The following LHX8 variants were observed in gnomAD, a reference collection of about 807,000 sequenced individuals.
The protein encoded by LHX8 is LIM/homeobox protein Lhx8.
Under a neutral mutation model 40.3 loss-of-function variants are expected in LHX8, and 12 were observed. The observed-to-expected ratio is 0.30, with a 90% CI of 0.19 to 0.48. The LOEUF (loss-of-function observed/expected upper bound fraction) is 0.48, where lower values mean the gene tolerates loss of function less well. Ranked by LOEUF, LHX8 falls within the 20% of genes least tolerant of loss-of-function variation. The probability of loss-of-function intolerance (pLI) is 0.99; values close to 1 mark genes in which losing one functional copy is unlikely to be tolerated. For synonymous variants in LHX8, 179 were observed against 162.0 expected, an observed-to-expected ratio of 1.10 and a Z score of -0.80; for missense variants, 344 against 433.7, an observed-to-expected ratio of 0.79 and a Z score of 1.84.
intron 3 of LHX8, 74 bp downstream of exon 3, chr1:75,137,335 T>A: frequency 6.9e-7 from 1 of 1,442,396 alleles, no homozygotes; most frequent in Non-Finnish European, 9.7e-7. Context: ...AGAGTAATGT[T>A]CCTCCCACCA....
chr1:75,159,284 C>CT (rs1306540974), intron 8 of LHX8: 2 of 152,052 alleles, frequency 1.3e-5, no homozygotes, highest in Non-Finnish European at 2.9e-5. Context: ...AAATAAACGT[C>CT]TTTTTTCCTC....
the LHX8 span, among the ~76,000 whole-genome samples, chr1:75,174,602 A>G: frequency 6.6e-6 from 1 of 152,136 alleles, no homozygotes; most frequent in South Asian, 2.1e-4. Context: ...TCCTTCCCCT[A>G]ATTCTGCCCT....
chr1:75,188,764 T>C, the LHX8 span, among the ~76,000 whole-genome samples: 57 of 152,184 alleles, frequency 3.7e-4, no homozygotes, highest in African/African-American at 1.3e-3. Flanking sequence ...TTTCCCTCCA[T>C]CATCACATTC....
chr1:75,181,649 C>T, the LHX8 span, among the ~76,000 whole-genome samples: 1 of 152,200 alleles, frequency 6.6e-6, no homozygotes. Flanking sequence ...ACCCCTTGTA[C>T]TTCTTGAGTG....
chr1:75,130,241 C>T (rs1329893517), upstream of LHX8: 1 of 193,342 alleles, frequency 5.2e-6, no homozygotes, highest in Non-Finnish European at 1.1e-5. Flanking sequence ...AAACGCTTCC[C>T]CTATTTCTTC....
the LHX8 span, among the ~76,000 whole-genome samples, chr1:75,175,503 G>T: frequency 6.6e-6 from 1 of 151,952 alleles, no homozygotes; most frequent in Non-Finnish European, 1.5e-5. Flanking sequence ...GACCATTTTT[G>T]CAGGAGTAAG....
At chr1:75,144,783 G>C (rs1265748859) in intron 6 of LHX8, among the ~76,000 whole-genome samples, 1 of 152,016 alleles carries the variant, frequency 6.6e-6, no homozygotes, top group Non-Finnish European at 1.5e-5. Flanking sequence ...CACACTGCTG[G>C]GTACCTTATA....
downstream of LHX8, among the ~76,000 whole-genome samples, chr1:75,164,833 C>T (rs1338626566): frequency 6.6e-6 from 1 of 151,124 alleles, no homozygotes; most frequent in African/African-American, 2.4e-5. Flanking sequence ...CCACACACCA[C>T]ACAAATTTTT....
At chr1:75,154,846 C>T (rs1015797980) in intron 7 of LHX8, among the ~76,000 whole-genome samples, 3 of 152,154 alleles carry the variant, frequency 2.0e-5, no homozygotes, top group African/African-American at 7.2e-5. Flanking sequence ...TTTTCAGCCT[C>T]CTGCTCAAGG....
the LHX8 span, among the ~76,000 whole-genome samples, chr1:75,193,580 G>A: frequency 6.6e-6 from 1 of 152,172 alleles, no homozygotes; most frequent in Non-Finnish European, 1.5e-5. Flanking sequence ...TAATTTTCGG[G>A]TTTGTATTCT....
chr1:75,136,670 G>A lies in LHX8; in HGVS notation c.56G>A (p.Gly19Asp). The change falls in exon 2 of 9, where the codon GGC becomes GAC. Residue 19 changes from glycine to aspartate, a missense_variant. This residue lies in a region of LHX8 where 108 missense variants were observed against 90.1 expected (regional missense o/e 1.20). Coordinates refer to ENST00000356261, the MANE Select transcript of LHX8 (RefSeq NM_001256114.2). ...TALAAGRTRK[G>D]AGEEGLVSPE... ...CTGGCGGCCGGGAGGACTCGCAAAG[G>A]CGCCGGGGAAGAGGGACTGGTGAGT... 1 of 1,547,314 alleles carries A rather than the reference G, an allele frequency of 6.5e-7. No individual in the cohort carries two copies. Among genetic ancestry groups the A allele is most frequent in the Non-Finnish European group, 8.7e-7 (1 of 1,146,654 alleles).
the LHX8 span, among the ~76,000 whole-genome samples, chr1:75,184,244 T>G: frequency 6.6e-6 from 1 of 152,194 alleles, no homozygotes; most frequent in African/African-American, 2.4e-5. Context: ...ACTCAGGACC[T>G]GAACTCAACA....
rs1185601695 is a variant in LHX8 at position 75,157,062 on chromosome 1, A to G, written c.950A>G (p.His317Arg). Reference protein sequence around the residue: ...PQDGTMLTALHSYMDAHSPTT... With the variant: ...PQDGTMLTALRSYMDAHSPTT... Reference sequence around the variant, plus strand: ...GATGGAACGATGTTAACTGCGCTGCATAGTTATATGGATGGTAGGTATCCC... The same window carrying G: ...GATGGAACGATGTTAACTGCGCTGCGTAGTTATATGGATGGTAGGTATCCC... Residue 317 changes from histidine (H) to arginine (R), a missense_variant, in exon 8 of 9, where the codon CAT (histidine) becomes CGT (arginine). By Grantham distance (29) the His-to-Arg change is conservative. Transcript: ENST00000356261. The G allele has an allele frequency of 6.2e-7, 1 of 1,614,218 alleles. No individual in the cohort carries two copies. The highest frequency in any genetic ancestry group is 8.5e-7 in the Non-Finnish European group (1 of 1,180,032).
the LHX8 span, among the ~76,000 whole-genome samples, chr1:75,175,252 G>C: frequency 4.6e-5 from 7 of 152,292 alleles, no homozygotes; most frequent in African/African-American, 1.4e-4. Flanking sequence ...ATTCAAAATT[G>C]TGCTGCTATA....
chr1:75,191,333 T>C, the LHX8 span, among the ~76,000 whole-genome samples: 2 of 151,980 alleles, frequency 1.3e-5, no homozygotes, highest in Non-Finnish European at 2.9e-5. Flanking sequence ...TTAATGAAGG[T>C]CCCCATAATA....
chr1:75,195,340 G>A, the LHX8 span, among the ~76,000 whole-genome samples: 1 of 152,086 alleles, frequency 6.6e-6, no homozygotes, highest in Non-Finnish European at 1.5e-5. Flanking sequence ...CCTTCCTCAA[G>A]GAAAGACTTC....
chr1:75,169,448 C>T, the LHX8 span, among the ~76,000 whole-genome samples: 2 of 152,102 alleles, frequency 1.3e-5, no homozygotes, highest in East Asian at 1.9e-4. Context: ...GTCAACCCTA[C>T]GTCAAGAAGT....
the LHX8 span, among the ~76,000 whole-genome samples, chr1:75,171,763 A>G: frequency 6.6e-6 from 1 of 152,192 alleles, no homozygotes; most frequent in Non-Finnish European, 1.5e-5. Context: ...GATGACTTAT[A>G]AAGTTTCTCT....
At position 75,137,168 on chromosome 1, in the gene LHX8, G is replaced by T. The variant is rs1396775523; in HGVS notation, c.144G>T (p.Ser48=). Residue 48 remains serine (S), a synonymous_variant, in exon 3 of 9, where the codon TCG becomes TCT. Transcript: ENST00000356261. ...CGGCCCCGCTGTCCCCGTCGTCCTC[G>T]CCCCGGTCCATGGCCTCGGGCTCCG... The part of the protein sequence containing the change: ...SSSAPLSPSS[S]PRSMASGSGC... 6.2e-7 allele frequency: 1 copy of T among 1,613,290 alleles called. No individual in the cohort carries two copies. Among genetic ancestry groups the T allele is most frequent in the Non-Finnish European group, 8.5e-7 (1 of 1,179,840 alleles).
Sources: gnomAD v4.1 joint callset for allele counts (sites outside exome capture counted in the v4.1 genomes callset) on GRCh38, gnomAD v4.1.1 for gene constraint, gnomAD v4.1.1 regional missense constraint, MANE v1.5 for transcripts, NCBI Gene and HGNC (gene_info 2026-07-23, HGNC 2026-07-21) for gene names.